The following DACH1 variants were observed in gnomAD, a reference collection of about 807,000 sequenced individuals.
The protein encoded by DACH1 is dachshund family transcription factor 1.
Under a neutral mutation model 54.2 loss-of-function variants are expected in DACH1, and 12 were observed. The ratio of observed to expected loss-of-function variants is 0.22; its 90% CI spans 0.14 to 0.36. DACH1 has a LOEUF of 0.36. Among genes scored for constraint, DACH1 ranks in the 10% least tolerant of loss-of-function variants. The pLI, the probability that DACH1 is intolerant of heterozygous loss-of-function variation, is 1.00. For synonymous variants in DACH1, 386 were observed against 366.2 expected, an observed-to-expected ratio of 1.05 and a Z score of -0.62; for missense variants, 805 against 929.8, an observed-to-expected ratio of 0.87 and a Z score of 1.75.
At chr13:71,442,225 C>T (rs754356371) in intron 10 of DACH1, among the ~76,000 whole-genome samples, 7 of 152,058 alleles carry the variant, frequency 4.6e-5, no homozygotes, top group Admixed American at 6.6e-5. Flanking sequence ...CATCATTCTA[C>T]ACTCTATCTC....
intron 1 of DACH1, among the ~76,000 whole-genome samples, chr13:71,817,815 T>TTCC (rs1566520444): frequency 6.7e-5 from 1 of 14,844 alleles, no homozygotes; most frequent in Admixed American, 8.6e-4. Context: ...TCTTTCTTCC[T>TTCC]TTTTTTTTTT....
At chr13:71,825,170 G>T (rs972553140) in intron 1 of DACH1, among the ~76,000 whole-genome samples, 3 of 151,934 alleles carry the variant, frequency 2.0e-5, no homozygotes, top group South Asian at 4.1e-4. Flanking sequence ...TTCATATTTA[G>T]TTTTCTCTTT....
At chr13:71,513,847 CT>C (rs1880963355) in intron 6 of DACH1, among the ~76,000 whole-genome samples, 5 of 152,024 alleles carry the variant, frequency 3.3e-5, no homozygotes. Flanking sequence ...TAATACTTAC[CT>C]TTTCCCTCTA....
intron 1 of DACH1, among the ~76,000 whole-genome samples, chr13:71,855,347 T>C (rs1873933912): frequency 6.6e-6 from 1 of 152,058 alleles, no homozygotes; most frequent in Admixed American, 6.6e-5. Context: ...TTACCATCTA[T>C]AAGATGTTTT....
intron 10 of DACH1, among the ~76,000 whole-genome samples, chr13:71,454,751 C>CT (rs1225681730): frequency 6.6e-6 from 1 of 152,176 alleles, no homozygotes; most frequent in Non-Finnish European, 1.5e-5. Flanking sequence ...CTAGAGATGA[C>CT]TGTAGGCCTG....
intron 3 of DACH1, among the ~76,000 whole-genome samples, chr13:71,618,660 T>C (rs376393174): frequency 6.6e-6 from 1 of 151,860 alleles, no homozygotes; most frequent in African/African-American, 2.4e-5. Context: ...CCTAATTACA[T>C]AAAAACTGGG....
chr13:71,683,342 G>A (rs991145115), intron 1 of DACH1, among the ~76,000 whole-genome samples: 1 of 152,106 alleles, frequency 6.6e-6, no homozygotes, highest in African/African-American at 2.4e-5. Context: ...GAAGGAAGAA[G>A]GCAGCGGGAA....
At chr13:71,846,194 C>A in intron 1 of DACH1, 1 of 229,018 alleles carries the variant, frequency 4.4e-6, no homozygotes, top group East Asian at 1.2e-4. Context: ...CCAGAGTTAT[C>A]TGGGGAAGGT....
chr13:71,819,607 C>T (rs1888108453), intron 1 of DACH1, among the ~76,000 whole-genome samples: 1 of 152,098 alleles, frequency 6.6e-6, no homozygotes, highest in Non-Finnish European at 1.5e-5. Flanking sequence ...ATGTTTCCTT[C>T]CACCAGCAAT....
intron 6 of DACH1, among the ~76,000 whole-genome samples, chr13:71,526,578 T>C (rs1881973969): frequency 6.6e-6 from 1 of 152,036 alleles, no homozygotes; most frequent in South Asian, 2.1e-4. Flanking sequence ...AATTAGTGCA[T>C]GTAACTTTAA....
At chr13:71,569,988 T>C (rs1885102462) in intron 4 of DACH1, among the ~76,000 whole-genome samples, 1 of 152,178 alleles carries the variant, frequency 6.6e-6, no homozygotes, top group Non-Finnish European at 1.5e-5. Flanking sequence ...ATTCTAGTTA[T>C]CCACGTGTCC....
In DACH1 at chr13:71,559,516, T is replaced by C. The variant is rs2138381539; in HGVS notation, c.1435+304A>G. On this transcript the variant is annotated intron_variant, in intron 5 of 10. Transcript: ENST00000613252. ...AAACAGTGTACCAAGACACTAGATATTTGAGAATTGGCTGTGTTTACTTCA... is the reference window on the plus strand; with the variant it reads ...AAACAGTGTACCAAGACACTAGATACTTGAGAATTGGCTGTGTTTACTTCA... Among the ~76,000 whole-genome samples the C allele has an allele frequency of 1.3e-5, 2 of 152,324 alleles. 1 individual carries two copies.
At chr13:71,484,429 A>G (rs1411133050) in intron 7 of DACH1, among the ~76,000 whole-genome samples, 1 of 152,084 alleles carries the variant, frequency 6.6e-6, no homozygotes, top group South Asian at 2.1e-4. Context: ...AGCCTCCCAA[A>G]GTGCTGGGAT....
Position 71,598,539 on chromosome 13 carries a change from C to T in DACH1, c.1127-25527G>A, listed in dbSNP as rs569373074. Among the ~76,000 whole-genome samples, 629 of 152,272 alleles carry T rather than the reference C, an allele frequency of 4.1e-3. 4 individuals are homozygous for T. Among genetic ancestry groups the T allele is most frequent in the Non-Finnish European group, 7.0e-3 (476 of 68,024 alleles). ...AAGTGCTGGGATTACAGGCGTGAGC[C>T]ACTGCGCCCGGCCTGACGCTTATTT... On this transcript the variant is annotated intron_variant, in intron 3 of 10. Transcript: ENST00000613252.
intron 7 of DACH1, among the ~76,000 whole-genome samples, chr13:71,483,438 TA>T (rs1878225988): frequency 6.8e-6 from 1 of 146,904 alleles, no homozygotes; most frequent in South Asian, 2.1e-4. Flanking sequence ...TATATTTATA[TA>T]AAAATTAATA....
At chr13:71,610,096 GAA>G (rs554449080) in intron 3 of DACH1, among the ~76,000 whole-genome samples, 1 of 148,750 alleles carries the variant, frequency 6.7e-6, no homozygotes. Flanking sequence ...TACACTGATA[GAA>G]AAAAAAAATG....
chr13:71,672,748 T>C (rs1880279297), intron 2 of DACH1, among the ~76,000 whole-genome samples: 2 of 152,152 alleles, frequency 1.3e-5, no homozygotes, highest in African/African-American at 2.4e-5. Context: ...TAAAAAATTA[T>C]AGCGAGCAAT....
At chr13:71,539,711 A>T (rs571971390) in intron 6 of DACH1, among the ~76,000 whole-genome samples, 1 of 152,180 alleles carries the variant, frequency 6.6e-6, no homozygotes, top group South Asian at 2.1e-4. Flanking sequence ...AAAATAGAGA[A>T]AGTAAATTAC....
At chr13:71,641,707 G>A (rs1319070712) in intron 2 of DACH1, among the ~76,000 whole-genome samples, 1 of 152,106 alleles carries the variant, frequency 6.6e-6, no homozygotes, top group Non-Finnish European at 1.5e-5. Flanking sequence ...ATGGTGGAAT[G>A]TTAAAGGGAA....
Sources: gnomAD v4.1 joint callset for allele counts (sites outside exome capture counted in the v4.1 genomes callset) on GRCh38, gnomAD v4.1.1 for gene constraint, MANE v1.5 for transcripts, NCBI Gene and HGNC (gene_info 2026-07-23, HGNC 2026-07-21) for gene names.